The following TNNI3K variants were observed in gnomAD, a reference collection of about 807,000 sequenced individuals.
TNNI3K encodes TNNI3 interacting kinase.
Under a neutral mutation model 114.5 loss-of-function variants are expected in TNNI3K, and 140 were observed. The observed-to-expected ratio is 1.22, with a 90% CI of 1.07 to 1.41. The LOEUF (loss-of-function observed/expected upper bound fraction) is 1.41. Ranked by LOEUF, TNNI3K falls within the 40% of genes most tolerant of loss-of-function variation. TNNI3K has a pLI of 0.00. For synonymous variants in TNNI3K, 347 were observed against 347.5 expected (o/e 1.00, Z 0.02); for missense variants, 1,125 against 1,007.6 (o/e 1.12, Z -1.58).
intron 13 of TNNI3K, among the ~76,000 whole-genome samples, chr1:74,368,231 A>G (rs1166596551): frequency 6.6e-6 from 1 of 151,822 alleles, no homozygotes; most frequent in Non-Finnish European, 1.5e-5. Context: ...TGTTTTTTAT[A>G]AAAATGAATT....
intron 21 of TNNI3K, among the ~76,000 whole-genome samples, chr1:74,479,273 A>G (rs1460104449): frequency 6.6e-6 from 1 of 152,208 alleles, no homozygotes; most frequent in Non-Finnish European, 1.5e-5. Context: ...AATCTCATGC[A>G]TCTTTGGTCT....
intron 17 of TNNI3K, chr1:74,376,827 A>AT (rs1416832479): frequency 2.6e-5 from 4 of 151,896 alleles, no homozygotes; most frequent in Admixed American, 6.6e-5. Context: ...CATTAAAAAA[A>AT]AAAATAAAAG....
chr1:74,437,564 G>A (rs1167999300), intron 19 of TNNI3K, among the ~76,000 whole-genome samples: 3 of 151,856 alleles, frequency 2.0e-5, no homozygotes, highest in Non-Finnish European at 4.4e-5. Context: ...GAGCTATGCA[G>A]GTGGGGGCAA....
At chr1:74,309,495 T>C (rs903413136) in intron 5 of TNNI3K, among the ~76,000 whole-genome samples, 2 of 150,680 alleles carry the variant, frequency 1.3e-5, no homozygotes, top group African/African-American at 4.9e-5. Context: ...ATCTGGCAAG[T>C]ACACAACAAA....
intron 5 of TNNI3K, among the ~76,000 whole-genome samples, chr1:74,286,703 C>T (rs558169231): frequency 5.3e-4 from 80 of 151,750 alleles, no homozygotes; most frequent in African/African-American, 1.7e-3. Context: ...CACTGCAAAC[C>T]CCAATGGATA....
In TNNI3K at chr1:74,369,190, A is replaced by T. The variant is rs868264856; in HGVS notation, c.1415-17A>T. On this transcript the variant is annotated splice_polypyrimidine_tract_variant and intron_variant, in intron 14 of 24. Transcript: ENST00000326637. ...TAAGTTAATATGTGTTTATTTATTT[A>T]TTTTAAACAATTGTAGGTTCTTTTG... is the stretch of plus-strand genomic sequence containing the variant. 1.2e-6 allele frequency: 2 copies of T among 1,606,068 alleles called. No individual in the cohort carries two copies. Among genetic ancestry groups the T allele is most frequent in the Middle Eastern group, 1.7e-4 (1 of 6,000 alleles).
intron 22 of TNNI3K, 55 bp from the exon 23 acceptor site, chr1:74,492,042 G>A (rs1669104419): frequency 2.9e-6 from 4 of 1,386,024 alleles, no homozygotes; most frequent in Non-Finnish European, 3.8e-6. Context: ...TTTATGTTAT[G>A]TCTTCACACC....
At chr1:74,262,561 A>T (rs1655742572) in intron 4 of TNNI3K, among the ~76,000 whole-genome samples, 2 of 152,094 alleles carry the variant, frequency 1.3e-5, no homozygotes, top group African/African-American at 4.8e-5. Context: ...ACTCAAAAAA[A>T]AAAGAATCCC....
intron 23 of TNNI3K, among the ~76,000 whole-genome samples, chr1:74,496,269 A>G (rs1198794901): frequency 1.3e-5 from 2 of 152,218 alleles, no homozygotes; most frequent in African/African-American, 4.8e-5. Context: ...GTGAAATACC[A>G]TCTGTGACCA....
At chr1:74,481,138 G>A (rs1232886341) in intron 21 of TNNI3K, among the ~76,000 whole-genome samples, 1 of 152,116 alleles carries the variant, frequency 6.6e-6, no homozygotes, top group East Asian at 1.9e-4. Flanking sequence ...TTGAGGGGAA[G>A]CTGGCTATAT....
chr1:74,290,656 A>C (rs181279511), intron 5 of TNNI3K, among the ~76,000 whole-genome samples: 191 of 151,940 alleles, frequency 1.3e-3, no homozygotes, highest in Non-Finnish European at 1.9e-3. Context: ...AGACTTTGTG[A>C]AACATGTATA....
chr1:74,357,090 G>A (rs543541378), intron 11 of TNNI3K, among the ~76,000 whole-genome samples: 9 of 152,104 alleles, frequency 5.9e-5, no homozygotes, highest in South Asian at 2.1e-4. Context: ...ACCTGTCCCC[G>A]TATCCTTTGA....
At chr1:74,276,271 A>G (rs1656676370) in intron 5 of TNNI3K, among the ~76,000 whole-genome samples, 1 of 152,020 alleles carries the variant, frequency 6.6e-6, no homozygotes, top group South Asian at 2.1e-4. Flanking sequence ...ATATATAGAG[A>G]GGTAATATTT....
chr1:74,255,935 A>G (rs1459209909), intron 4 of TNNI3K, among the ~76,000 whole-genome samples: 1 of 152,212 alleles, frequency 6.6e-6, no homozygotes, highest in African/African-American at 2.4e-5. Flanking sequence ...GGATTCACCC[A>G]TGTTGTATAT....
chr1:74,451,971 C>T (rs1667048042), intron 20 of TNNI3K, among the ~76,000 whole-genome samples: 1 of 151,666 alleles, frequency 6.6e-6, no homozygotes. Context: ...CTTTTCCTCT[C>T]CAATCTCTAA....
intron 17 of TNNI3K, among the ~76,000 whole-genome samples, chr1:74,430,432 A>G (rs1387919879): frequency 6.6e-6 from 1 of 152,102 alleles, no homozygotes; most frequent in African/African-American, 2.4e-5. Flanking sequence ...AATCTGGAGA[A>G]AACATAAGAT....
chr1:74,321,072 A>G (rs1055602344), intron 5 of TNNI3K, among the ~76,000 whole-genome samples: 78 of 152,278 alleles, frequency 5.1e-4, no homozygotes, highest in African/African-American at 1.6e-3. Flanking sequence ...CAATTTATAT[A>G]AATAAATCCC....
chr1:74,445,641 C>T (rs1435547829), intron 20 of TNNI3K, among the ~76,000 whole-genome samples: 10 of 134,254 alleles, frequency 7.4e-5, no homozygotes, highest in Admixed American at 2.4e-4. Flanking sequence ...GACGGAGTCT[C>T]GCTCTGTCGC....
rs1409030164 is a variant in TNNI3K at position 74,439,620 on chromosome 1, C to A, written c.2009C>A (p.Pro670Gln). ...GAAATTCCATTCGCTCATCTCAAGC[C>A]AGGTAAGACACACTGCAATTGAAGT... ...TGEIPFAHLK[P>Q]AAAAADMAYH... The change falls in exon 20 of 25, where the codon CCA becomes CAA. Residue 670 changes from proline (P) to glutamine (Q), a missense_variant and splice_region_variant. By Grantham distance (76) the Pro-to-Gln change is moderately conservative. Transcript: ENST00000326637. 4 of 1,613,038 alleles carry A rather than the reference C, an allele frequency of 2.5e-6. No individual in the cohort carries two copies. Among genetic ancestry groups the A allele is most frequent in the Non-Finnish European group, 2.5e-6 (3 of 1,179,476 alleles).
Sources: gnomAD v4.1 joint callset for allele counts (sites outside exome capture counted in the v4.1 genomes callset) on GRCh38, gnomAD v4.1.1 for gene constraint, MANE v1.5 for transcripts, NCBI Gene and HGNC (gene_info 2026-07-23, HGNC 2026-07-21) for gene names.